PRKD3: variants seen among roughly 807,000 people sequenced by gnomAD.
The protein encoded by PRKD3 is serine/threonine-protein kinase D3.
PRKD3 carries 47 observed loss-of-function variants against 99.2 expected under a neutral mutation model. The ratio of observed to expected loss-of-function variants is 0.47; its 90% CI spans 0.38 to 0.60. The LOEUF is 0.60. PRKD3 is among the 20% of genes least tolerant of loss of function. PRKD3 has a pLI of 0.00. For missense variants in PRKD3, 1,019 were observed against 1,088.4 expected, an observed-to-expected ratio of 0.94 and a Z score of 0.90; for synonymous variants, 392 against 355.4, an observed-to-expected ratio of 1.10 and a Z score of -1.16.
chr2:37,293,253 A>G lies in PRKD3; in HGVS notation c.307T>C (p.Phe103Leu). ...VYQKFPECGF[F>L]GMYDKILLFR... is the part of the protein sequence containing the mutation. ...AGAAGAATTTTGTCATACATGCCAA[A>G]GAATCCACACTCTGGAAACTGAGGG... The change falls in exon 3 of 19, where the codon TTT (phenylalanine) becomes CTT (leucine). Residue 103 changes from phenylalanine (F) to leucine (L), a missense_variant. Around this residue, in one of 3 missense-constraint regions of PRKD3, gnomAD observed 710 missense variants for 692.7 expected, o/e 1.02. Coordinates refer to ENST00000234179, the MANE Select transcript of PRKD3 (RefSeq NM_005813.6). 1 of 1,599,546 alleles carries G rather than the reference A, an allele frequency of 6.3e-7. No homozygotes were observed. The highest frequency in any genetic ancestry group is 8.6e-7 in the Non-Finnish European group (1 of 1,168,616).
rs543743273 is a variant in PRKD3 at position 37,289,509 on chromosome 2, A to G, written c.564T>C (p.Cys188=). The G allele has an allele frequency of 6.2e-7, 1 of 1,607,990 alleles. No individual in the cohort carries two copies. The highest frequency in any genetic ancestry group is 2.2e-5 in the East Asian group (1 of 44,846). ...LVRQGLKCEG[C]GLNYHKRCAF... ...CACATCGTTTATGGTAATTTAATCC[A>G]CAGCCTAAACATATTTTACAAGGTA... Residue 188 remains cysteine, a synonymous_variant, in exon 5 of 19, where the codon TGT becomes TGC. Coordinates refer to ENST00000234179, the MANE Select transcript of PRKD3 (RefSeq NM_005813.6).
chr2:37,270,410 A>T (rs1046048686), intron 12 of PRKD3, among the ~76,000 whole-genome samples: 2 of 149,952 alleles, frequency 1.3e-5, no homozygotes, highest in Non-Finnish European at 3.0e-5. Context: ...ACTTTGAGAG[A>T]CTGAAGAAAA....
chr2:37,262,296 A>G lies in PRKD3; in HGVS notation c.1885-1912T>C, dbSNP rs780037315. Among the ~76,000 whole-genome samples the G allele has an allele frequency of 7.2e-5, 11 of 152,254 alleles. 1 individual carries two copies. The highest frequency in any genetic ancestry group is 2.6e-4 in the Admixed American group (4 of 15,290). ...ATTCTCTCTCTTTGGGACTACTGCA[A>G]TAGTTTCCACTGTATTGTAATAATG... On this transcript the variant is annotated intron_variant, in intron 14 of 18. Transcript: ENST00000234179.
chr2:37,287,958 T>A (rs1670202680), intron 5 of PRKD3, among the ~76,000 whole-genome samples: 1 of 152,192 alleles, frequency 6.6e-6, no homozygotes, highest in African/African-American at 2.4e-5. Context: ...TGAAAGCCCT[T>A]CCATGCTACA....
At chr2:37,302,958 T>C (rs1671001728) in intron 2 of PRKD3, among the ~76,000 whole-genome samples, 1 of 152,150 alleles carries the variant, frequency 6.6e-6, no homozygotes, top group African/African-American at 2.4e-5. Flanking sequence ...TCTCTCCTGA[T>C]TGGTTCTTTC....
Position 37,251,944 on chromosome 2 carries a change from T to C in PRKD3, c.*1233A>G, listed in dbSNP as rs1667537432. On this transcript the variant is annotated 3_prime_UTR_variant, in exon 19 of 19. Transcript: ENST00000234179. ...GAAATAAGCCACTGTTTCTTACAAGTAGATGGTCCCACATCTTAAACTTTG... is the reference window on the plus strand; with the variant it reads ...GAAATAAGCCACTGTTTCTTACAAGCAGATGGTCCCACATCTTAAACTTTG... The C allele has an allele frequency of 6.6e-6, 1 of 152,188 alleles. No individual in the cohort carries two copies. The highest frequency in any genetic ancestry group is 1.5e-5 in the Non-Finnish European group (1 of 68,026). The allele number at this position is 152,188 out of a possible 1,614,324, so 9.4% of individuals were successfully genotyped here. A position where few individuals can be genotyped will look rare whatever the true frequency, so the allele number is the denominator to read the frequency against.
At position 37,253,235 on chromosome 2, in the gene PRKD3, A is replaced by G. The variant is rs1237906651; in HGVS notation, c.2615T>C (p.Val872Ala). The change falls in exon 19 of 19, where the codon GTA becomes GCA. Residue 872 changes from valine to alanine, a missense_variant. Transcript: ENST00000234179. ...WEIHAYTHNL[V>A]YPKHFIMAPN... ...AGCCATAATGAAGTGCTTTGGGTAT[A>G]CAAGGTTATGTGTGTATGCATGTAT... 6.2e-7 allele frequency: 1 copy of G among 1,612,766 alleles called. No homozygotes were observed.
chr2:37,280,447 A>G (rs1669803459), intron 7 of PRKD3, among the ~76,000 whole-genome samples: 1 of 152,218 alleles, frequency 6.6e-6, no homozygotes, highest in Non-Finnish European at 1.5e-5. Context: ...ACATGACAAA[A>G]GATACTATAA....
intron 14 of PRKD3, 43 bp from the exon 15 acceptor site, chr2:37,260,427 AAC>A (rs67448647): frequency 0.03 from 46,442 of 1,541,772 alleles, 829 homozygotes; most frequent in South Asian, 0.038. Context: ...TAAGCAGAGA[AAC>A]AGTTTTACTA....
At chr2:37,301,418 A>G (rs1056661372) in intron 2 of PRKD3, among the ~76,000 whole-genome samples, 4 of 152,008 alleles carry the variant, frequency 2.6e-5, no homozygotes, top group African/African-American at 9.6e-5. Flanking sequence ...ATTTTGGCAA[A>G]CTAATTAAAA....
intron 2 of PRKD3, among the ~76,000 whole-genome samples, chr2:37,294,292 C>T (rs1227633832): frequency 1.3e-5 from 2 of 152,084 alleles, no homozygotes; most frequent in African/African-American, 2.4e-5. Context: ...ACAGGGGTCT[C>T]GCTGTGTGGC....
At chr2:37,272,997 G>T (rs1669372339) in intron 11 of PRKD3, among the ~76,000 whole-genome samples, 1 of 151,568 alleles carries the variant, frequency 6.6e-6, no homozygotes, top group Admixed American at 6.6e-5. Flanking sequence ...GGGGAGGGGG[G>T]GAAGTGGAGT....
chr2:37,282,743 C>G, intron 6 of PRKD3, 124 bp from the exon 7 acceptor site: 1 of 711,106 alleles, frequency 1.4e-6, no homozygotes, highest in South Asian at 1.8e-5. Flanking sequence ...AAAATAATAA[C>G]CACCTACAAG....
intron 2 of PRKD3, among the ~76,000 whole-genome samples, chr2:37,314,855 A>T (rs73928004): frequency 0.053 from 8,005 of 152,258 alleles, 677 homozygotes; most frequent in African/African-American, 0.18. Flanking sequence ...GGAAACTAAA[A>T]GCAAAGCTAC....
At chr2:37,288,085 A>G (rs1463384127) in intron 5 of PRKD3, among the ~76,000 whole-genome samples, 6 of 152,234 alleles carry the variant, frequency 3.9e-5, no homozygotes, top group Admixed American at 6.5e-5. Context: ...CTAATGAAAA[A>G]TGTAACACCT....
chr2:37,275,930 C>T, intron 9 of PRKD3, 86 bp from the exon 10 acceptor site: 4 of 1,450,884 alleles, frequency 2.8e-6, no homozygotes, highest in Non-Finnish European at 3.7e-6. Flanking sequence ...CATTTACATT[C>T]ATAAATTTGT....
At chr2:37,272,894 G>T (rs2148535262) in intron 11 of PRKD3, among the ~76,000 whole-genome samples, 1 of 150,738 alleles carries the variant, frequency 6.6e-6, no homozygotes, top group East Asian at 2.0e-4. Flanking sequence ...GAGACAGGAG[G>T]ATCTGAGCCC....
chr2:37,275,872 A>G (rs778779831), intron 9 of PRKD3, 28 bp from the exon 10 acceptor site: 5 of 1,591,482 alleles, frequency 3.1e-6, no homozygotes, highest in Non-Finnish European at 4.3e-6. Context: ...GAAAACTGTG[A>G]GGTTCAAAAA....
chr2:37,297,763 C>T (rs1320794720), intron 2 of PRKD3, among the ~76,000 whole-genome samples: 2 of 152,146 alleles, frequency 1.3e-5, no homozygotes, highest in Admixed American at 1.3e-4. Flanking sequence ...TTTGGGGAGG[C>T]AGACCACAGA....
Sources: allele counts gnomAD v4.1 joint callset (sites outside exome capture counted in the v4.1 genomes callset), GRCh38; gene constraint gnomAD v4.1.1; regional missense constraint gnomAD v4.1.1; transcripts MANE v1.5; gene names NCBI Gene and HGNC (gene_info 2026-07-23, HGNC 2026-07-21).